Variants in TMEM106A observed in about 807,000 individuals in gnomAD.
The protein encoded by TMEM106A is transmembrane protein 106A.
A neutral mutation model predicts 25.1 loss-of-function variants in TMEM106A; 22 were observed. The observed-to-expected ratio is 0.88, with a 90% CI of 0.63 to 1.25. The LOEUF is 1.25. Ranked by LOEUF, TMEM106A falls within the 50% of genes most tolerant of loss-of-function variation. TMEM106A has a pLI of 0.00. For missense variants in TMEM106A, 275 were observed against 318.1 expected (o/e 0.86, Z 1.03); for synonymous variants, 104 against 129.9 (o/e 0.80, Z 1.35).
In TMEM106A at chr17:43,217,796, C is replaced by A; in HGVS notation, c.784C>A (p.Pro262Thr). ...SVPHQLTPHP[P>T] Reference sequence around the variant, plus strand: ...GCCCCACCAGCTGACCCCTCACCCACCATGACCTGTCTGCTGTCCCTGTAC... The same window carrying A: ...GCCCCACCAGCTGACCCCTCACCCAACATGACCTGTCTGCTGTCCCTGTAC... The change falls in exon 9 of 9, where the codon CCA becomes ACA. Residue 262 changes from proline (P) to threonine (T), a missense_variant. By Grantham distance (38) the Pro-to-Thr change is conservative. Coordinates refer to ENST00000612339, the MANE Select transcript of TMEM106A (RefSeq NM_145041.4). The A allele has an allele frequency of 6.2e-7, 1 of 1,614,168 alleles. No individual in the cohort carries two copies. Among genetic ancestry groups the A allele is most frequent in the Non-Finnish European group, 8.5e-7 (1 of 1,180,016 alleles).
At chr17:43,216,123 C>T in intron 5 of TMEM106A, 182 bp downstream of exon 5, 1 of 785,804 alleles carries the variant, frequency 1.3e-6, no homozygotes, top group Non-Finnish European at 2.0e-6. Context: ...GATTGGGACT[C>T]TACACAGTAA....
chr17:43,217,436 TA>T (rs1388786398), intron 8 of TMEM106A, 124 bp downstream of exon 8: 5 of 1,324,304 alleles, frequency 3.8e-6, no homozygotes, highest in Non-Finnish European at 5.4e-6. Context: ...CTCTTGGGAA[TA>T]GCAAGTCTAG....
chr17:43,217,005 A>G, intron 7 of TMEM106A: 1 of 624,760 alleles, frequency 1.6e-6, no homozygotes, highest in Non-Finnish European at 2.8e-6. Context: ...CTGAGGAAGA[A>G]GAATGTTTTG....
At chr17:43,215,227 A>G (rs1367496817) in intron 4 of TMEM106A, among the ~76,000 whole-genome samples, 2 of 152,178 alleles carry the variant, frequency 1.3e-5, no homozygotes, top group Admixed American at 1.3e-4. Flanking sequence ...TGGGCGACAC[A>G]GCAAGACTCC....
At position 43,217,980 on chromosome 17, in the gene TMEM106A, C is replaced by A; in HGVS notation, c.*179C>A. ...TGCTTTGAAGTTAACTTCATACACA[C>A]ACACTCATATCCTCCAGTTTCCCCC... On this transcript the variant is annotated 3_prime_UTR_variant, in exon 9 of 9. Transcript: ENST00000612339. The A allele has an allele frequency of 1.2e-6, 1 of 810,032 alleles. No individual in the cohort carries two copies. The highest frequency in any genetic ancestry group is 2.0e-6 in the Non-Finnish European group (1 of 508,948). The allele number at this position is 810,032 out of a possible 1,614,324, so 50.2% of individuals were successfully genotyped here. A position where few individuals can be genotyped will look rare whatever the true frequency, so the allele number is the denominator to read the frequency against.
Position 43,219,062 on chromosome 17 carries a change from A to G in TMEM106A, c.*1261A>G, listed in dbSNP as rs951623767. The G allele has an allele frequency of 1.3e-5, 2 of 152,232 alleles. No individual in the cohort carries two copies. Among genetic ancestry groups the G allele is most frequent in the Non-Finnish European group, 2.9e-5 (2 of 68,060 alleles). The allele number at this position is 152,232 out of a possible 1,614,324, so 9.4% of individuals were successfully genotyped here. A position where few individuals can be genotyped will look rare whatever the true frequency, so the allele number is the denominator to read the frequency against. On this transcript the variant is annotated 3_prime_UTR_variant, in exon 9 of 9. Coordinates refer to ENST00000612339, the MANE Select transcript of TMEM106A (RefSeq NM_145041.4). ...AGAGCCAAAGACAGAATCATTGTATAAGATATTTATTAAAGGAGAGCCTCT... is the reference window on the plus strand; with the variant it reads ...AGAGCCAAAGACAGAATCATTGTATGAGATATTTATTAAAGGAGAGCCTCT...
At position 43,215,815 on chromosome 17, in the gene TMEM106A, C is replaced by T. The variant is rs2154582607; in HGVS notation, c.303C>T (p.Leu101=). Residue 101 remains leucine (L), a synonymous_variant, in exon 5 of 9, where the codon CTC becomes CTT. Coordinates refer to ENST00000612339, the MANE Select transcript of TMEM106A (RefSeq NM_145041.4). ...AGCTCTTTGTGTTCCTGGCCGTGCT[C>T]ATCTGCCTGGTGACCTCCTCCTTCA... ...HTKLFVFLAV[L]ICLVTSSFIV... 1.2e-6 allele frequency: 2 copies of T among 1,614,060 alleles called. No individual in the cohort carries two copies. The highest frequency in any genetic ancestry group is 1.7e-6 in the Non-Finnish European group (2 of 1,180,022).
rs1160644003 is a variant in TMEM106A, at chr17:43,212,263, C to G, written c.-153C>G. ...GTTGCCGGCCCCAGGCGGTGCTTCT[C>G]CCCACCACCGCCCAGCTCAGCTCAG... On this transcript the variant is annotated 5_prime_UTR_variant, in exon 2 of 9. Coordinates refer to ENST00000612339, the MANE Select transcript of TMEM106A (RefSeq NM_145041.4). 1 of 152,806 alleles carries G rather than the reference C, an allele frequency of 6.5e-6. No individual in the cohort carries two copies. The highest frequency in any genetic ancestry group is 1.5e-5 in the Non-Finnish European group (1 of 68,454). The allele number at this position is 152,806 out of a possible 1,614,324, so 9.5% of individuals were successfully genotyped here.
At chr17:43,217,218 A>G (rs1265894048) in intron 7 of TMEM106A, 41 bp from the exon 8 acceptor site, 2 of 1,609,382 alleles carry the variant, frequency 1.2e-6, no homozygotes, top group Non-Finnish European at 8.5e-7. Flanking sequence ...AGGCTGCTCC[A>G]TGTGACACGT....
chr17:43,216,041 T>A, intron 5 of TMEM106A, 100 bp downstream of exon 5: 1 of 1,471,118 alleles, frequency 6.8e-7, no homozygotes, highest in Non-Finnish European at 9.3e-7. Context: ...CCAGAGATCT[T>A]ATGGCACCCA....
intron 5 of TMEM106A, 149 bp downstream of exon 5, chr17:43,216,090 T>G (rs1167285223): frequency 3.2e-6 from 3 of 945,234 alleles, no homozygotes; most frequent in Non-Finnish European, 4.7e-6. Flanking sequence ...GGAGCAACCA[T>G]GAGCTCCATG....
rs369920510 is a variant in TMEM106A at position 43,213,793 on chromosome 17, A to G, written c.212-35A>G. On this transcript the variant is annotated intron_variant, in intron 3 of 8. Coordinates refer to ENST00000612339, the MANE Select transcript of TMEM106A (RefSeq NM_145041.4). ...CACAGTAAATATTTGTCACAGTTGC[A>G]TCTTGGCCCTCCCTCTCACCTTCTC... The G allele has an allele frequency of 3.4e-5, 54 of 1,609,188 alleles. No individual in the cohort carries two copies. The African/African-American group carries it at 6.6e-4, about 20-fold the overall frequency.
At position 43,217,808 on chromosome 17, in the gene TMEM106A, T is replaced by C; in HGVS notation, c.*7T>C. 6.2e-7 allele frequency: 1 copy of C among 1,614,140 alleles called. No individual in the cohort carries two copies. Among genetic ancestry groups the C allele is most frequent in the Non-Finnish European group, 8.5e-7 (1 of 1,180,006 alleles). On this transcript the variant is annotated 3_prime_UTR_variant, in exon 9 of 9. Coordinates refer to ENST00000612339, the MANE Select transcript of TMEM106A (RefSeq NM_145041.4). ...GACCCCTCACCCACCATGACCTGTCTGCTGTCCCTGTACTCCAGGCACCTG... is the reference window on the plus strand; with the variant it reads ...GACCCCTCACCCACCATGACCTGTCCGCTGTCCCTGTACTCCAGGCACCTG...
chr17:43,215,642 G>A (rs550462438), intron 4 of TMEM106A, 146 bp from the exon 5 acceptor site: 7 of 842,410 alleles, frequency 8.3e-6, no homozygotes, highest in Admixed American at 4.5e-5. Flanking sequence ...TACTCATTCC[G>A]GGCCACATCT....
chr17:43,216,332 C>G (rs1172723539), intron 5 of TMEM106A, 117 bp from the exon 6 acceptor site: 33 of 1,399,322 alleles, frequency 2.4e-5, no homozygotes, highest in Non-Finnish European at 3.2e-5. Context: ...ATCCTCTGCA[C>G]CTGAAGCTTG....
chr17:43,213,882 CCAAGCA>C lies in TMEM106A; in HGVS notation c.269_274del (p.Lys90_His91del). Reference sequence around the variant, plus strand: ...CCCTATGGGGACCAGAGGCTGAAGCCCAAGCACACGTAAGCCCCCCTTCCTCCCCTA... The same window carrying C: ...CCCTATGGGGACCAGAGGCTGAAGCCCACGTAAGCCCCCCTTCCTCCCCTA... On this transcript the variant is annotated inframe_deletion, in exon 4 of 9. Transcript: ENST00000612339. 1 of 1,614,134 alleles carries C rather than the reference CCAAGCA, an allele frequency of 6.2e-7. No homozygotes were observed. The highest frequency in any genetic ancestry group is 8.5e-7 in the Non-Finnish European group (1 of 1,180,024).
chr17:43,213,132 G>C lies in TMEM106A; in HGVS notation c.91G>C (p.Val31Leu). 1 of 1,614,230 alleles carries C rather than the reference G, an allele frequency of 6.2e-7. No homozygotes were observed. The highest frequency in any genetic ancestry group is 8.5e-7 in the Non-Finnish European group (1 of 1,180,046). ...CAAACCAGCCATTGGCAGCAAGGCT[G>C]TCAACTACTCCAGCACCGGTAGCAG... ...SSKPAIGSKA[V>L]NYSSTGSSKS... Residue 31 changes from valine to leucine, a missense_variant, in exon 3 of 9, where the codon GTC (valine) becomes CTC (leucine). By Grantham distance (32) the Val-to-Leu change is conservative. Coordinates refer to ENST00000612339, the MANE Select transcript of TMEM106A (RefSeq NM_145041.4).
Position 43,215,782 on chromosome 17 carries a change from C to T in TMEM106A, c.276-6C>T. The T allele has an allele frequency of 6.2e-7, 1 of 1,613,346 alleles. No homozygotes were observed. The highest frequency in any genetic ancestry group is 8.5e-7 in the Non-Finnish European group (1 of 1,179,956). ...TTCCTCCATCCTGGGTCCTGCTTTC[C>T]CACAGGAAGCTCTTTGTGTTCCTGG... is the stretch of plus-strand genomic sequence containing the variant. On this transcript the variant is annotated splice_polypyrimidine_tract_variant and splice_region_variant and intron_variant, in intron 4 of 8. Transcript: ENST00000612339.
rs764289306 is a variant in TMEM106A at position 43,213,149 on chromosome 17, C to T, written c.108C>T (p.Thr36=). The T allele has an allele frequency of 4.7e-5, 76 of 1,614,084 alleles. No individual in the cohort carries two copies. The highest frequency in any genetic ancestry group is 6.1e-5 in the Non-Finnish European group (72 of 1,180,060). Residue 36 remains threonine (T), a synonymous_variant, in exon 3 of 9, where the codon ACC becomes ACT. Transcript: ENST00000612339. The part of the protein sequence containing the change: ...IGSKAVNYSS[T]GSSKSFCSCV... The stretch of plus-strand genomic sequence containing the variant: ...GCAAGGCTGTCAACTACTCCAGCAC[C>T]GGTAGCAGCAAGTCTTTTTGTTCCT...
Sources: gnomAD v4.1 joint callset for allele counts (sites outside exome capture counted in the v4.1 genomes callset) on GRCh38, gnomAD v4.1.1 for gene constraint, MANE v1.5 for transcripts, NCBI Gene and HGNC (gene_info 2026-07-23, HGNC 2026-07-21) for gene names.